The following RPL3 variants were observed in gnomAD, a reference collection of about 807,000 sequenced individuals.
RPL3 encodes large ribosomal subunit protein uL3.
A neutral mutation model predicts 46.0 loss-of-function variants in RPL3; 3 were observed. The ratio of observed to expected loss-of-function variants is 0.07; its 90% CI spans 0.03 to 0.17. The LOEUF (loss-of-function observed/expected upper bound fraction) is 0.17. Among genes scored for constraint, RPL3 ranks in the 10% least tolerant of loss-of-function variants. RPL3 has a pLI of 1.00. For missense variants in RPL3, 387 were observed against 532.7 expected, an observed-to-expected ratio of 0.73 and a Z score of 2.69; for synonymous variants, 224 against 190.8, an observed-to-expected ratio of 1.17 and a Z score of -1.43.
intron 2 of RPL3, 174 bp from the exon 3 acceptor site, chr22:39,317,803 G>A (rs1237831197): frequency 1.1e-5 from 7 of 655,304 alleles, no homozygotes; most frequent in Non-Finnish European, 1.5e-5. Context: ...GCACATTTAT[G>A]TTATTCAAAC....
intron 3 of RPL3, 69 bp downstream of exon 3, chr22:39,317,392 G>T: frequency 2.0e-6 from 3 of 1,533,134 alleles, no homozygotes; most frequent in Non-Finnish European, 2.7e-6. Context: ...GAGAAACCAT[G>T]CACACGCTGC....
In RPL3 at chr22:39,314,153, T is replaced by C. The variant is rs571917302; in HGVS notation, c.905A>G (p.Asn302Ser). 47 of 1,613,492 alleles carry C rather than the reference T, an allele frequency of 2.9e-5. No homozygotes were observed. Among genetic ancestry groups the C allele is most frequent in the Non-Finnish European group, 3.6e-5 (42 of 1,180,024 alleles). The change falls in exon 7 of 10, where the codon AAT becomes AGT. Residue 302 changes from asparagine to serine, a missense_variant. This residue lies in a region of RPL3 where 131 missense variants were observed against 185.1 expected (regional missense o/e 0.71). Coordinates refer to ENST00000216146, the MANE Select transcript of RPL3 (RefSeq NM_000967.4). ...AGATAGGTCATAGTCAGTGGAGGCA[T>C]TGTTCTTGATCAGCTTGCCGTCCTT... Reference protein sequence around the residue: ...LIKDGKLIKNNASTDYDLSDK... With the variant: ...LIKDGKLIKNSASTDYDLSDK...
intron 3 of RPL3, 131 bp downstream of exon 3, chr22:39,317,330 T>A: frequency 9.5e-7 from 1 of 1,055,126 alleles, no homozygotes. Context: ...TATTTTTCTG[T>A]TCGAGAGGCA....
At chr22:39,317,724 G>A (rs1922794245) in intron 2 of RPL3, 95 bp from the exon 3 acceptor site, 1 of 1,412,686 alleles carries the variant, frequency 7.1e-7, no homozygotes. Flanking sequence ...TAGGCCGGAA[G>A]GGCAACTGGG....
At position 39,319,030 on chromosome 22, in the gene RPL3, G is replaced by C. The variant is rs749823488; in HGVS notation, c.4-438C>G. 5.6e-6 allele frequency: 3 copies of C among 537,910 alleles called. No individual in the cohort carries two copies. The Middle Eastern group carries it at 9.5e-4, about 170-fold the overall frequency. The allele number at this position is 537,910 out of a possible 1,614,324, so 33.3% of individuals were successfully genotyped here. A position where few individuals can be genotyped will look rare whatever the true frequency, so the allele number is the denominator to read the frequency against. On this transcript the variant is annotated intron_variant, in intron 1 of 9. Transcript: ENST00000216146. Reference sequence around the variant, plus strand: ...ACACTAATTACACTGATACACACAGGCCAAAGAACTCCGCAGAGCCAAATC... The same window carrying C: ...ACACTAATTACACTGATACACACAGCCCAAAGAACTCCGCAGAGCCAAATC...
chr22:39,314,306 G>A (rs976024954), intron 6 of RPL3, 98 bp from the exon 7 acceptor site: 2 of 1,043,224 alleles, frequency 1.9e-6, no homozygotes, highest in Non-Finnish European at 3.0e-6. Flanking sequence ...AGGCAGCTGA[G>A]GCCTCAGTCC....
At chr22:39,318,667 T>C in intron 1 of RPL3, 75 bp from the exon 2 acceptor site, 1 of 1,298,978 alleles carries the variant, frequency 7.7e-7, no homozygotes, top group South Asian at 1.4e-5. Context: ...GCTGCTTAAG[T>C]TCCAAATCTC....
chr22:39,317,016 G>C (rs1467227108), intron 3 of RPL3, 175 bp from the exon 4 acceptor site: 1 of 911,788 alleles, frequency 1.1e-6, no homozygotes, highest in Non-Finnish European at 1.7e-6. Flanking sequence ...GCAGAGCCGA[G>C]CGGAGCTGAG....
In RPL3 at chr22:39,314,671, C is replaced by A; in HGVS notation, c.849+15G>T. The A allele has an allele frequency of 6.2e-7, 1 of 1,605,248 alleles. No homozygotes were observed. Among genetic ancestry groups the A allele is most frequent in the Non-Finnish European group, 8.5e-7 (1 of 1,174,450 alleles). On this transcript the variant is annotated intron_variant, in intron 6 of 9. Coordinates refer to ENST00000216146, the MANE Select transcript of RPL3 (RefSeq NM_000967.4). Reference sequence around the variant, plus strand: ...GCCTCTTCCCACCCCCAGGGAGCCACTCTCAGAACCTCACCTTCTTGTTGA... The same window carrying A: ...GCCTCTTCCCACCCCCAGGGAGCCAATCTCAGAACCTCACCTTCTTGTTGA...
intron 8 of RPL3, 80 bp downstream of exon 8, chr22:39,313,554 A>G (rs909683): frequency 2.8e-6 from 4 of 1,419,688 alleles, no homozygotes; most frequent in Non-Finnish European, 3.9e-6. Flanking sequence ...TTCCTCTCCC[A>G]CCACAGGGCC....
chr22:39,315,751 G>A (rs1922647632), intron 4 of RPL3, among the ~76,000 whole-genome samples, 196 bp from the exon 5 acceptor site: 1 of 152,214 alleles, frequency 6.6e-6, no homozygotes, highest in Admixed American at 6.5e-5. Flanking sequence ...GGATACTGGT[G>A]CCTGAGTTAC....
chr22:39,312,919 C>G lies in RPL3; in HGVS notation c.*21G>C. 6.2e-7 allele frequency: 1 copy of G among 1,614,048 alleles called. No individual in the cohort carries two copies. Among genetic ancestry groups the G allele is most frequent in the Non-Finnish European group, 8.5e-7 (1 of 1,179,868 alleles). On this transcript the variant is annotated 3_prime_UTR_variant, in exon 10 of 10. Coordinates refer to ENST00000216146, the MANE Select transcript of RPL3 (RefSeq NM_000967.4). ...ATAACTTTTATTGAGACCCCACCAA[C>G]TGCAAAATCTGTTCCTGGCATTAAG...
intron 6 of RPL3, 84 bp from the exon 7 acceptor site, chr22:39,314,292 T>TA (rs1413216817): frequency 8.3e-7 from 1 of 1,206,796 alleles, no homozygotes; most frequent in Admixed American, 1.7e-5. Flanking sequence ...CAAAGCACGC[T>TA]AGAAGGCAGC....
chr22:39,315,209 C>T (rs1331234950), intron 5 of RPL3, 160 bp downstream of exon 5: 1 of 1,094,344 alleles, frequency 9.1e-7, no homozygotes, highest in African/African-American at 1.5e-5. Flanking sequence ...CTTCTGACCA[C>T]AAGGCTGTTC....
Position 39,314,617 on chromosome 22 carries a change from GCA to G in RPL3, c.849+67_849+68del, listed in dbSNP as rs1428391278. 111 of 1,515,794 alleles carry G rather than the reference GCA, an allele frequency of 7.3e-5. 1 individual carries two copies. In the South Asian group the frequency reaches 1.3e-3, roughly 17 times the overall value. The allele number at this position is 1,515,794 out of a possible 1,614,324, so 93.9% of individuals were successfully genotyped here. A position where few individuals can be genotyped will look rare whatever the true frequency, so the allele number is the denominator to read the frequency against. On this transcript the variant is annotated intron_variant, in intron 6 of 9. Coordinates refer to ENST00000216146, the MANE Select transcript of RPL3 (RefSeq NM_000967.4). ...ACAGTCAGTGAAGCAGCACTGACAG[GCA>G]CAGAAACCCCACTCCCCATCACGGG... is the stretch of plus-strand genomic sequence containing the variant.
intron 6 of RPL3, 27 bp downstream of exon 6, chr22:39,314,659 C>A: frequency 1.9e-6 from 3 of 1,597,472 alleles, no homozygotes; most frequent in African/African-American, 1.3e-5. Flanking sequence ...TCTTCCCACC[C>A]CCAGGGAGCC....
intron 2 of RPL3, 66 bp from the exon 3 acceptor site, chr22:39,317,695 A>G: frequency 6.3e-7 from 1 of 1,580,718 alleles, no homozygotes; most frequent in South Asian, 1.1e-5. Flanking sequence ...GTTTTCTAGG[A>G]AAATGCAAAG....
At position 39,312,915 on chromosome 22, in the gene RPL3, C is replaced by T. The variant is rs1922447671; in HGVS notation, c.*25G>A. ...GAAAATAACTTTTATTGAGACCCCA[C>T]CAACTGCAAAATCTGTTCCTGGCAT... On this transcript the variant is annotated 3_prime_UTR_variant, in exon 10 of 10. Transcript: ENST00000216146. 6.2e-7 allele frequency: 1 copy of T among 1,613,824 alleles called. No homozygotes were observed. Among genetic ancestry groups the T allele is most frequent in the African/African-American group, 1.3e-5 (1 of 74,940 alleles).
At chr22:39,316,628 C>G (rs754570306) in intron 4 of RPL3, 78 bp downstream of exon 4, 50 of 1,577,524 alleles carry the variant, frequency 3.2e-5, no homozygotes, top group African/African-American at 4.0e-5. Context: ...CATAAGCGTG[C>G]GGGCACGGGA....
Sources: allele counts gnomAD v4.1 joint callset (sites outside exome capture counted in the v4.1 genomes callset), GRCh38; gene constraint gnomAD v4.1.1; regional missense constraint gnomAD v4.1.1; transcripts MANE v1.5; gene names NCBI Gene and HGNC (gene_info 2026-07-23, HGNC 2026-07-21).